The following LHFPL3 variants were observed in gnomAD, a reference collection of about 807,000 sequenced individuals.
The protein encoded by LHFPL3 is LHFPL tetraspan subfamily member 3.
In LHFPL3, 5 loss-of-function variants were observed where a neutral mutation model predicts 19.3. That is an observed-to-expected ratio of 0.26 (90% CI 0.14 to 0.54). LHFPL3 has a LOEUF of 0.54. Ranked by LOEUF, LHFPL3 falls within the 20% of genes least tolerant of loss-of-function variation. The pLI, the probability that LHFPL3 is intolerant of heterozygous loss-of-function variation, is 0.94. For synonymous variants in LHFPL3, 133 were observed against 126.2 expected (o/e 1.05, Z -0.36); for missense variants, 249 against 307.4 (o/e 0.81, Z 1.42).
intron 1 of LHFPL3, among the ~76,000 whole-genome samples, chr7:104,584,093 T>C (rs189791786): frequency 0.024 from 3,644 of 151,838 alleles, 91 homozygotes; most frequent in Non-Finnish European, 0.039. Flanking sequence ...ATTAAGAAAA[T>C]GTGGCACATA....
intron 1 of LHFPL3, among the ~76,000 whole-genome samples, chr7:104,403,286 G>A (rs1460256242): frequency 1.3e-5 from 2 of 152,324 alleles, no homozygotes; most frequent in East Asian, 1.9e-4. Context: ...AGGGTTGACC[G>A]TTGGACCTGG....
At chr7:104,536,429 C>T (rs1207517003) in intron 1 of LHFPL3, among the ~76,000 whole-genome samples, 1 of 152,168 alleles carries the variant, frequency 6.6e-6, no homozygotes, top group East Asian at 1.9e-4. Context: ...ACTTTAATAC[C>T]TAGCATTTCA....
At chr7:104,906,072 CAT>C in intron 2 of LHFPL3, 113 bp from the exon 3 acceptor site, 1 of 947,986 alleles carries the variant, frequency 1.1e-6, no homozygotes, top group Non-Finnish European at 1.7e-6. Context: ...TTGAACCATT[CAT>C]TGGTATAGTT....
At chr7:104,342,067 C>G (rs762435647) in intron 1 of LHFPL3, among the ~76,000 whole-genome samples, 1 of 152,148 alleles carries the variant, frequency 6.6e-6, no homozygotes, top group Non-Finnish European at 1.5e-5. Context: ...GCTGTGACTT[C>G]CAATGGCCTC....
chr7:104,361,842 C>T (rs529695404), intron 1 of LHFPL3, among the ~76,000 whole-genome samples: 22 of 152,184 alleles, frequency 1.4e-4, no homozygotes, highest in East Asian at 5.8e-4. Context: ...CAAATCTATC[C>T]GGATTAAAAA....
At chr7:104,547,703 C>T (rs1794599300) in intron 1 of LHFPL3, among the ~76,000 whole-genome samples, 1 of 151,996 alleles carries the variant, frequency 6.6e-6, no homozygotes, top group Non-Finnish European at 1.5e-5. Context: ...AGCACATGAG[C>T]CCACCACTTC....
chr7:104,678,870 T>C (rs1792641270), intron 1 of LHFPL3, among the ~76,000 whole-genome samples: 1 of 152,238 alleles, frequency 6.6e-6, no homozygotes, highest in African/African-American at 2.4e-5. Flanking sequence ...TTCATTTTGT[T>C]CACATTCATC....
intron 2 of LHFPL3, among the ~76,000 whole-genome samples, chr7:104,816,292 A>G (rs1168773339): frequency 6.6e-6 from 1 of 152,226 alleles, no homozygotes; most frequent in Non-Finnish European, 1.5e-5. Context: ...TACCTATTAC[A>G]GAAACCTAGT....
intron 1 of LHFPL3, among the ~76,000 whole-genome samples, chr7:104,338,966 G>A (rs1672715357): frequency 1.3e-5 from 2 of 152,148 alleles, no homozygotes; most frequent in Non-Finnish European, 2.9e-5. Flanking sequence ...AAATAATAAT[G>A]GCCGGGCATG....
At chr7:104,537,663 A>G (rs978683679) in intron 1 of LHFPL3, among the ~76,000 whole-genome samples, 4 of 152,238 alleles carry the variant, frequency 2.6e-5, no homozygotes, top group African/African-American at 9.6e-5. Context: ...AATTTTGATT[A>G]GCATGGATAA....
intron 1 of LHFPL3, among the ~76,000 whole-genome samples, chr7:104,708,055 C>G (rs1162961853): frequency 1.3e-5 from 2 of 152,168 alleles, no homozygotes; most frequent in African/African-American, 2.4e-5. Flanking sequence ...AACTCTTTTC[C>G]CCTTGAACTA....
chr7:104,798,513 T>C (rs1790176254), intron 2 of LHFPL3: 1 of 152,210 alleles, frequency 6.6e-6, no homozygotes, highest in African/African-American at 2.4e-5. Flanking sequence ...GAAATGCGTA[T>C]AGAACTACAC....
At chr7:104,391,426 A>AT (rs1791066354) in intron 1 of LHFPL3, among the ~76,000 whole-genome samples, 1 of 152,160 alleles carries the variant, frequency 6.6e-6, no homozygotes, top group African/African-American at 2.4e-5. Flanking sequence ...TCCCAGCACC[A>AT]TTTATTAAAT....
intron 1 of LHFPL3, among the ~76,000 whole-genome samples, chr7:104,345,718 A>AT (rs1289124182): frequency 2.6e-5 from 4 of 151,998 alleles, no homozygotes; most frequent in African/African-American, 7.2e-5. Flanking sequence ...CTTTATATTC[A>AT]TTTTTTTCTG....
intron 1 of LHFPL3, among the ~76,000 whole-genome samples, chr7:104,341,793 C>A (rs1441709472): frequency 6.6e-6 from 1 of 152,074 alleles, no homozygotes; most frequent in Non-Finnish European, 1.5e-5. Flanking sequence ...GAGAACTTTG[C>A]CTTTTACAGG....
intron 2 of LHFPL3, among the ~76,000 whole-genome samples, chr7:104,838,232 CCTCT>C (rs1791134526): frequency 6.6e-6 from 1 of 152,094 alleles, no homozygotes; most frequent in Non-Finnish European, 1.5e-5. Flanking sequence ...CCACACCTGC[CCTCT>C]CTAACTAATT....
chr7:104,348,433 C>G (rs1790113696), intron 1 of LHFPL3, among the ~76,000 whole-genome samples: 1 of 152,140 alleles, frequency 6.6e-6, no homozygotes, highest in African/African-American at 2.4e-5. Context: ...AAACGATGAA[C>G]TATGAAACAA....
intron 2 of LHFPL3, among the ~76,000 whole-genome samples, chr7:104,829,325 CTT>C: frequency 6.7e-6 from 1 of 148,412 alleles, no homozygotes; most frequent in African/African-American, 2.5e-5. Context: ...GTCATAGCTG[CTT>C]TTTTTTTTAA....
chr7:104,505,706 G>T (rs1453427130), intron 1 of LHFPL3, among the ~76,000 whole-genome samples: 1 of 152,174 alleles, frequency 6.6e-6, no homozygotes, highest in African/African-American at 2.4e-5. Flanking sequence ...TATAGTAGAA[G>T]AATCCAATTG....
Sources: gnomAD v4.1 joint callset for allele counts (sites outside exome capture counted in the v4.1 genomes callset) on GRCh38, gnomAD v4.1.1 for gene constraint, MANE v1.5 for transcripts, NCBI Gene and HGNC (gene_info 2026-07-23, HGNC 2026-07-21) for gene names.